Variants in IRAG1 observed in about 807,000 individuals in gnomAD.
IRAG1 encodes the protein IP3R-associated cGMP kinase substrate.
A neutral mutation model predicts 106.2 loss-of-function variants in IRAG1; 62 were observed. That is an observed-to-expected ratio of 0.58 (90% CI 0.48 to 0.72). IRAG1 has a LOEUF of 0.72. Ranked by LOEUF, IRAG1 falls within the 30% of genes least tolerant of loss-of-function variation. The probability of loss-of-function intolerance (pLI) is 0.00; values close to 1 mark genes in which losing one functional copy is unlikely to be tolerated. For missense variants in IRAG1, 1,064 were observed against 1,140.7 expected, an observed-to-expected ratio of 0.93 and a Z score of 0.97; for synonymous variants, 462 against 443.9, an observed-to-expected ratio of 1.04 and a Z score of -0.51.
At chr11:10,608,665 C>T (rs1854681177) in intron 11 of IRAG1, among the ~76,000 whole-genome samples, 1 of 152,132 alleles carries the variant, frequency 6.6e-6, no homozygotes, top group Non-Finnish European at 1.5e-5. Flanking sequence ...CTATTTAAAT[C>T]CTTTCCCCAT....
intron 1 of IRAG1, among the ~76,000 whole-genome samples, chr11:10,682,839 T>A (rs923879731): frequency 6.6e-6 from 1 of 152,218 alleles, no homozygotes; most frequent in Non-Finnish European, 1.5e-5. Flanking sequence ...GGCTTCCCCA[T>A]GACCACATTT....
intron 2 of IRAG1, among the ~76,000 whole-genome samples, chr11:10,635,939 G>A (rs1857116783): frequency 1.3e-5 from 2 of 152,194 alleles, no homozygotes; most frequent in African/African-American, 4.8e-5. Context: ...AGTGGCTGAA[G>A]GAAGAGGAGG....
In IRAG1 at chr11:10,629,567, G is replaced by A; in HGVS notation, c.545C>T (p.Ser182Phe). ...ERFLTRRGRK[S>F]RSSPGDSPSA... ...TGGGGAGTCTCCGGGGCTGCTCCTG[G>A]ACTTCCTCCCACGGCGGGTCAGGAA... The change falls in exon 5 of 21, where the codon TCC (serine) becomes TTC (phenylalanine). Residue 182 changes from serine to phenylalanine, a missense_variant. By Grantham distance (155) the Ser-to-Phe change is radical. Transcript: ENST00000423302. The A allele has an allele frequency of 6.2e-7, 1 of 1,613,960 alleles. No homozygotes were observed. The highest frequency in any genetic ancestry group is 8.5e-7 in the Non-Finnish European group (1 of 1,179,870).
At position 10,628,538 on chromosome 11, in the gene IRAG1, C is replaced by G. The variant is rs1176665793; in HGVS notation, c.652+213G>C. Among the ~76,000 whole-genome samples, 3 of 152,212 alleles carry G rather than the reference C, an allele frequency of 2.0e-5. No homozygotes were observed. The highest frequency in any genetic ancestry group is 4.4e-5 in the Non-Finnish European group (3 of 68,028). On this transcript the variant is annotated intron_variant, in intron 6 of 20. Transcript: ENST00000423302. This position sits in a 1 kb window ranked among gnomAD's most constrained non-coding sequence, Gnocchi z 4.1. ...CCTGGGGTACACCTGCCTCCCGACA[C>G]AAGCCCAAGATGCTAACAGAAAGTC...
At chr11:10,622,305 C>A (rs1299660384) in intron 10 of IRAG1, among the ~76,000 whole-genome samples, 1 of 152,038 alleles carries the variant, frequency 6.6e-6, no homozygotes, top group African/African-American at 2.4e-5. Flanking sequence ...GCCGCGGGGA[C>A]AGAGGCACAG....
At chr11:10,587,165 G>T (rs1206459392) in intron 18 of IRAG1, among the ~76,000 whole-genome samples, 1 of 152,162 alleles carries the variant, frequency 6.6e-6, no homozygotes, top group South Asian at 2.1e-4. Flanking sequence ...ATTCTCACAC[G>T]TGCACCAGGT....
At position 10,651,899 on chromosome 11, in the gene IRAG1, G is replaced by T. The variant is rs571728195; in HGVS notation, c.225+126C>A. The T allele has an allele frequency of 2.6e-5, 30 of 1,140,740 alleles. 2 individuals carry two copies. In the South Asian group the frequency reaches 4.7e-4, roughly 18 times the overall value. 70.7% of individuals were successfully genotyped at this position (1,140,740 alleles called of 1,614,324 possible). ...TATGGAAGCCACACACCTTCTCCAG[G>T]TACCCACTGCAACCTACATGAGCTG... On this transcript the variant is annotated intron_variant, in intron 2 of 20. Coordinates refer to ENST00000423302, the MANE Select transcript of IRAG1 (RefSeq NM_130385.4).
At chr11:10,625,623 G>A (rs115651194) in intron 9 of IRAG1, among the ~76,000 whole-genome samples, 2,411 of 152,214 alleles carry the variant, frequency 0.016, 64 homozygotes, top group African/African-American at 0.056. Flanking sequence ...TCCTGTTTAT[G>A]AGCCACTGAC....
chr11:10,663,774 C>T (rs185297327), intron 1 of IRAG1, among the ~76,000 whole-genome samples: 3 of 152,314 alleles, frequency 2.0e-5, no homozygotes, highest in South Asian at 4.1e-4. Flanking sequence ...GGAATCAAGC[C>T]TCACTTTTCA....
intron 12 of IRAG1, among the ~76,000 whole-genome samples, chr11:10,605,634 G>C (rs949064073): frequency 6.6e-6 from 1 of 152,168 alleles, no homozygotes; most frequent in African/African-American, 2.4e-5. Flanking sequence ...CAGACTGTCT[G>C]ATTTGAAAGC....
chr11:10,631,945 G>T, intron 4 of IRAG1, 46 bp downstream of exon 4: 1 of 1,548,948 alleles, frequency 6.5e-7, no homozygotes, highest in Non-Finnish European at 8.9e-7. Flanking sequence ...CACGCTGCCA[G>T]ACCTGTCTTT....
intron 1 of IRAG1, among the ~76,000 whole-genome samples, chr11:10,667,683 G>A (rs1030135474): frequency 1.3e-5 from 2 of 152,170 alleles, no homozygotes; most frequent in African/African-American, 2.4e-5. Flanking sequence ...ACATAGGTGT[G>A]GTCGCAGGCC....
At position 10,628,095 on chromosome 11, in the gene IRAG1, CT is replaced by C; in HGVS notation, c.653-71del. On this transcript the variant is annotated intron_variant, in intron 6 of 20. Coordinates refer to ENST00000423302, the MANE Select transcript of IRAG1 (RefSeq NM_130385.4). The surrounding 1 kb of genome is among the most constrained non-coding windows in gnomAD (Gnocchi z 4.1). Reference sequence around the variant, plus strand: ...CCCTCAGCTGTGCTTTCAGCCACATCTCCCTCCCCGGGCTATCCTCCCTTTG... The same window carrying C: ...CCCTCAGCTGTGCTTTCAGCCACATCCCCTCCCCGGGCTATCCTCCCTTTG... 1 of 1,535,140 alleles carries C rather than the reference CT, an allele frequency of 6.5e-7. No homozygotes were observed. The highest frequency in any genetic ancestry group is 1.1e-5 in the South Asian group (1 of 87,280).
chr11:10,584,131 T>C (rs1851677833), intron 18 of IRAG1, among the ~76,000 whole-genome samples: 1 of 152,088 alleles, frequency 6.6e-6, no homozygotes, highest in South Asian at 2.1e-4. Flanking sequence ...TGATTCCCAA[T>C]GGGAGCAATG....
intron 1 of IRAG1, chr11:10,687,917 A>G (rs1345436638): frequency 1.2e-5 from 7 of 605,940 alleles, no homozygotes; most frequent in South Asian, 4.5e-5. Flanking sequence ...GGACACTATC[A>G]TTACAGGTCG....
At chr11:10,680,363 A>AGG in intron 1 of IRAG1, among the ~76,000 whole-genome samples, 20 of 95,840 alleles carry the variant, frequency 2.1e-4, no homozygotes, top group African/African-American at 9.3e-4. Flanking sequence ...GAAAGAAAGA[A>AGG]AGAAAGAAGG....
At chr11:10,587,228 T>A (rs1852112257) in intron 18 of IRAG1, among the ~76,000 whole-genome samples, 1 of 152,228 alleles carries the variant, frequency 6.6e-6, no homozygotes, top group Non-Finnish European at 1.5e-5. Context: ...AACTATTTAG[T>A]CAAAATATAT....
At chr11:10,650,047 G>A (rs557467634) in intron 2 of IRAG1, among the ~76,000 whole-genome samples, 1 of 152,340 alleles carries the variant, frequency 6.6e-6, no homozygotes, top group African/African-American at 2.4e-5. Flanking sequence ...TTACAAATGG[G>A]TAGATTCTTA....
chr11:10,634,831 T>G (rs1857023042), intron 2 of IRAG1, among the ~76,000 whole-genome samples: 1 of 152,160 alleles, frequency 6.6e-6, no homozygotes, highest in Admixed American at 6.5e-5. Flanking sequence ...TCACATTTTT[T>G]AATTCATCCA....
Sources: allele counts gnomAD v4.1 joint callset (sites outside exome capture counted in the v4.1 genomes callset), GRCh38; gene constraint gnomAD v4.1.1; non-coding constraint Gnocchi (gnomAD v3.1); transcripts MANE v1.5; gene names NCBI Gene and HGNC (gene_info 2026-07-23, HGNC 2026-07-21).